MYO16: variants seen among roughly 807,000 people sequenced by gnomAD.
MYO16 encodes the protein myosin XVI, also known as unconventional myosin-XVI.
MYO16 carries 94 observed loss-of-function variants against 205.3 expected under a neutral mutation model. The ratio of observed to expected loss-of-function variants is 0.46; its 90% CI spans 0.39 to 0.54. The LOEUF (loss-of-function observed/expected upper bound fraction) is 0.54, where lower values mean the gene tolerates loss of function less well. Among genes scored for constraint, MYO16 ranks in the 20% least tolerant of loss-of-function variants. The pLI, the probability that MYO16 is intolerant of heterozygous loss-of-function variation, is 0.00. For synonymous variants in MYO16, 988 were observed against 954.0 expected, an observed-to-expected ratio of 1.04 and a Z score of -0.66; for missense variants, 2,315 against 2,387.5, an observed-to-expected ratio of 0.97 and a Z score of 0.63.
chr13:108,555,397 A>C, the MYO16 span, among the ~76,000 whole-genome samples: 1 of 152,206 alleles, frequency 6.6e-6, no homozygotes. Flanking sequence ...CAACATCATA[A>C]AGGTAGTAAT....
At chr13:108,631,520 A>G (rs1455881663) in intron 1 of MYO16, among the ~76,000 whole-genome samples, 1 of 152,370 alleles carries the variant, frequency 6.6e-6, no homozygotes, top group Admixed American at 6.5e-5. Flanking sequence ...GATGAAATCT[A>G]AAATTAATGA....
chr13:109,012,674 A>G (rs763930012), intron 22 of MYO16, among the ~76,000 whole-genome samples: 8 of 151,992 alleles, frequency 5.3e-5, no homozygotes, highest in Non-Finnish European at 1.0e-4. Flanking sequence ...TGTGGTCAGA[A>G]GGTATTCCAT....
At chr13:108,965,947 G>T (rs908736858) in intron 20 of MYO16, among the ~76,000 whole-genome samples, 1 of 152,156 alleles carries the variant, frequency 6.6e-6, no homozygotes, top group Non-Finnish European at 1.5e-5. Context: ...CCTGAAAATT[G>T]ATGCCTTTAG....
intron 28 of MYO16, among the ~76,000 whole-genome samples, chr13:109,111,317 A>T (rs1015653584): frequency 6.6e-6 from 1 of 152,176 alleles, no homozygotes; most frequent in African/African-American, 2.4e-5. Flanking sequence ...CTGAGGGGAG[A>T]ACTCTGCAGA....
rs140634974 is a variant in MYO16 at position 108,612,453 on chromosome 13, C to A, written c.-39+16214C>A. Among the ~76,000 whole-genome samples the A allele has an allele frequency of 2.2e-3, 337 of 152,280 alleles. 2 individuals carry two copies. Among genetic ancestry groups the A allele is most frequent in the Middle Eastern group, 6.8e-3 (2 of 294 alleles). ...AAGACAAATCCAGCTACTGTCTGCA[C>A]AGTCTTGACAGAAATGCCTTCAGGT... On this transcript the variant is annotated intron_variant, in intron 1 of 24. Coordinates refer to the MYO16 transcript ENST00000251041.
chr13:109,124,219 T>G (rs1182725627), intron 29 of MYO16, among the ~76,000 whole-genome samples: 2 of 152,214 alleles, frequency 1.3e-5, no homozygotes, highest in Non-Finnish European at 2.9e-5. Flanking sequence ...CCCTGTGACT[T>G]TCTTGGTTGC....
intron 21 of MYO16, among the ~76,000 whole-genome samples, chr13:108,993,799 A>G (rs1401945989): frequency 1.3e-5 from 2 of 152,192 alleles, no homozygotes; most frequent in East Asian, 3.8e-4. Flanking sequence ...GTGCTTAAGA[A>G]GGTGCATCTC....
At chr13:109,098,704 AAC>A (rs1888857877) in intron 27 of MYO16, among the ~76,000 whole-genome samples, 1 of 152,186 alleles carries the variant, frequency 6.6e-6, no homozygotes, top group Admixed American at 6.5e-5. Flanking sequence ...CAGATCATCA[AAC>A]AGTGACATGA....
At chr13:109,120,569 T>G in intron 29 of MYO16, 103 bp downstream of exon 29, 1 of 718,644 alleles carries the variant, frequency 1.4e-6, no homozygotes. Flanking sequence ...TGCACCCTAG[T>G]GGACCACTCT....
intron 28 of MYO16, among the ~76,000 whole-genome samples, chr13:109,106,623 C>T (rs1182975398): frequency 6.6e-6 from 1 of 152,164 alleles, no homozygotes. Context: ...ATGCTATATT[C>T]ATTTTAAAGC....
At chr13:108,897,047 T>G (rs1362527879) in intron 14 of MYO16, among the ~76,000 whole-genome samples, 3 of 151,586 alleles carry the variant, frequency 2.0e-5, no homozygotes, top group Non-Finnish European at 4.4e-5. Context: ...TCAAAGCACT[T>G]AAAAAAAAGT....
chr13:108,757,886 G>A (rs1885474556), intron 4 of MYO16, among the ~76,000 whole-genome samples: 1 of 152,200 alleles, frequency 6.6e-6, no homozygotes, highest in Non-Finnish European at 1.5e-5. Context: ...CTGTGGATAT[G>A]TATGCGACAC....
At position 108,793,653 on chromosome 13, in the gene MYO16, A is replaced by G. The variant is rs369790703; in HGVS notation, c.741+13A>G. ...AGGAGTAACCCTGGTAAGTTCATAT[A>G]TTTGACTCAGAAACTATTTGAATAG... On this transcript the variant is annotated intron_variant, in intron 6 of 34. Coordinates refer to ENST00000457511, the MANE Select transcript of MYO16 (RefSeq NM_001198950.3). The G allele has an allele frequency of 7.4e-5, 119 of 1,608,888 alleles. No homozygotes were observed. Among genetic ancestry groups the G allele is most frequent in the Non-Finnish European group, 9.4e-5 (111 of 1,176,924 alleles).
chr13:109,023,269 A>G lies in MYO16; in HGVS notation c.2796+3358A>G, dbSNP rs1199461359. Among the ~76,000 whole-genome samples, 34 of 84,058 alleles carry G rather than the reference A, an allele frequency of 4.0e-4. 1 individual carries two copies. Among genetic ancestry groups the G allele is most frequent in the African/African-American group, 1.6e-3 (33 of 20,856 alleles). 55.1% of individuals were successfully genotyped at this position (84,058 alleles called of 152,430 possible). ...ATATATATTTATATATTATACAGAT[A>G]TAAATATATATATTTATATATTATA... On this transcript the variant is annotated intron_variant, in intron 23 of 34. Transcript: ENST00000457511.
chr13:109,098,904 T>A (rs1472492993), intron 27 of MYO16, among the ~76,000 whole-genome samples: 2 of 152,236 alleles, frequency 1.3e-5, no homozygotes, highest in Non-Finnish European at 2.9e-5. Flanking sequence ...TACATTTTTT[T>A]AATTCTCACT....
At chr13:109,111,195 C>T (rs1312883613) in intron 28 of MYO16, among the ~76,000 whole-genome samples, 2 of 152,084 alleles carry the variant, frequency 1.3e-5, no homozygotes, top group Admixed American at 1.3e-4. Flanking sequence ...AGATTTGTTT[C>T]CCTTGGAAGA....
At chr13:109,051,301 G>A (rs1180020767) in intron 24 of MYO16, among the ~76,000 whole-genome samples, 1 of 151,966 alleles carries the variant, frequency 6.6e-6, no homozygotes, top group Non-Finnish European at 1.5e-5. Flanking sequence ...TATATATTAT[G>A]TCACCCGCAT....
chr13:108,670,092 A>T (rs540669039), intron 2 of MYO16, among the ~76,000 whole-genome samples: 8 of 152,312 alleles, frequency 5.3e-5, no homozygotes, highest in African/African-American at 1.9e-4. Context: ...AAGTAAAATT[A>T]AAAATAAAAT....
At chr13:109,023,198 T>C (rs1886157677) in intron 23 of MYO16, among the ~76,000 whole-genome samples, 2 of 125,430 alleles carry the variant, frequency 1.6e-5, no homozygotes, top group Non-Finnish European at 3.1e-5. Flanking sequence ...ATATTATATA[T>C]GAATATAAAT....
Sources: allele counts gnomAD v4.1 joint callset (sites outside exome capture counted in the v4.1 genomes callset), GRCh38; gene constraint gnomAD v4.1.1; transcripts MANE v1.5; gene names NCBI Gene and HGNC (gene_info 2026-07-23, HGNC 2026-07-21).